Variants in PLEKHM3 observed in about 807,000 individuals in gnomAD.
PLEKHM3 encodes pleckstrin homology domain containing M3, also known as pleckstrin homology domain-containing family M member 3.
PLEKHM3 carries 45 observed loss-of-function variants against 81.8 expected under a neutral mutation model. That is an observed-to-expected ratio of 0.55 (90% confidence interval 0.43 to 0.71). PLEKHM3 has a LOEUF of 0.71. Ranked by LOEUF, PLEKHM3 falls within the 30% of genes least tolerant of loss-of-function variation. The probability of loss-of-function intolerance (pLI) is 0.00; values close to 1 mark genes in which losing one functional copy is unlikely to be tolerated. For missense variants in PLEKHM3, 788 were observed against 924.3 expected, an observed-to-expected ratio of 0.85 and a Z score of 1.91; for synonymous variants, 352 against 356.4, an observed-to-expected ratio of 0.99 and a Z score of 0.14.
At chr2:208,020,358 C>G (rs539830530) in intron 1 of PLEKHM3, among the ~76,000 whole-genome samples, 24 of 152,216 alleles carry the variant, frequency 1.6e-4, no homozygotes, top group Non-Finnish European at 3.1e-4. Flanking sequence ...TTAATGAAAA[C>G]AGCATGCCTG....
rs1292748257 is a variant in PLEKHM3, at chr2:207,865,829, T to A, written c.1951-4567A>T. ...ATATATATATATATATATATATATATATATATATACTTTCTGTCTTTATAG... is the reference window on the plus strand; with the variant it reads ...ATATATATATATATATATATATATAAATATATATACTTTCTGTCTTTATAG... On this transcript the variant is annotated intron_variant, in intron 6 of 7. Transcript: ENST00000427836. 8.9e-5 allele frequency among the ~76,000 whole-genome samples: 10 copies of A among 111,780 alleles called. 1 individual carries two copies. The East Asian group carries it at 1.6e-3, about 18-fold the overall frequency. The allele number at this position is 111,780 out of a possible 152,430, so 73.3% of individuals were successfully genotyped here.
At chr2:207,832,838 GC>G (rs1559199394) in intron 7 of PLEKHM3, among the ~76,000 whole-genome samples, 2 of 151,472 alleles carry the variant, frequency 1.3e-5, no homozygotes, top group African/African-American at 4.9e-5. Flanking sequence ...TGGGCTGGGT[GC>G]GGTGGCTCAT....
At chr2:207,833,163 A>G (rs1479328254) in intron 7 of PLEKHM3, among the ~76,000 whole-genome samples, 1 of 151,072 alleles carries the variant, frequency 6.6e-6, no homozygotes, top group African/African-American at 2.4e-5. Context: ...GTACTCACTG[A>G]GTTTCTTGAC....
intron 5 of PLEKHM3, among the ~76,000 whole-genome samples, chr2:207,918,521 C>CAACA (rs537716018): frequency 0.021 from 3,167 of 151,580 alleles, 96 homozygotes; most frequent in African/African-American, 0.067. Flanking sequence ...GACTCTGTCT[C>CAACA]AACAAACAAA....
At chr2:207,878,900 G>A (rs1220756129) in intron 6 of PLEKHM3, among the ~76,000 whole-genome samples, 1 of 151,894 alleles carries the variant, frequency 6.6e-6, no homozygotes, top group East Asian at 1.9e-4. Context: ...TGGAGGATGA[G>A]GTTTAACTCC....
chr2:207,839,770 G>GA (rs1234984471), intron 7 of PLEKHM3, among the ~76,000 whole-genome samples: 4 of 152,084 alleles, frequency 2.6e-5, no homozygotes, highest in African/African-American at 7.2e-5. Context: ...TACAAAAACA[G>GA]AAAAAAATTA....
chr2:207,919,869 C>CCCCATCA (rs1351052094), intron 5 of PLEKHM3, among the ~76,000 whole-genome samples: 1 of 152,064 alleles, frequency 6.6e-6, no homozygotes, highest in African/African-American at 2.4e-5. Context: ...AATCAAGTGA[C>CCCCATCA]ATTGATGGGG....
intron 3 of PLEKHM3, among the ~76,000 whole-genome samples, chr2:207,950,042 A>G (rs951072600): frequency 6.6e-6 from 1 of 152,224 alleles, no homozygotes; most frequent in African/African-American, 2.4e-5. Flanking sequence ...ACTGAGTTAA[A>G]CATCCTCGCA....
At chr2:207,970,354 A>G (rs13423906) in intron 3 of PLEKHM3, among the ~76,000 whole-genome samples, 8,026 of 148,938 alleles carry the variant, frequency 0.054, 685 homozygotes, top group African/African-American at 0.18. Flanking sequence ...TCCTAACAAC[A>G]TACTTCTTTA....
intron 7 of PLEKHM3, among the ~76,000 whole-genome samples, chr2:207,841,129 AT>A (rs1055712837): frequency 5.3e-5 from 8 of 151,920 alleles, no homozygotes; most frequent in South Asian, 2.1e-4. Context: ...ATTTAAAAGC[AT>A]TTTGCTTCCA....
intron 6 of PLEKHM3, among the ~76,000 whole-genome samples, chr2:207,863,295 C>T (rs946910773): frequency 6.6e-6 from 1 of 152,218 alleles, no homozygotes; most frequent in African/African-American, 2.4e-5. Context: ...TTGCCCCTCC[C>T]CATCATGAAC....
Position 207,875,716 on chromosome 2 carries a change from T to C in PLEKHM3, c.1951-14454A>G, listed in dbSNP as rs113193820. On this transcript the variant is annotated intron_variant, in intron 6 of 7. Coordinates refer to ENST00000427836, the MANE Select transcript of PLEKHM3 (RefSeq NM_001080475.3). ...GGTAGTGTGGGTAGTGTGCACCTTG[T>C]AGTCTCAGCTACTTAGGAGGCTGAA... Among the ~76,000 whole-genome samples the C allele has an allele frequency of 7.3e-3, 1,107 of 152,230 alleles. 12 individuals carry two copies. The highest frequency in any genetic ancestry group is 0.025 in the African/African-American group (1,042 of 41,516).
chr2:207,957,425 G>A (rs372639134), intron 3 of PLEKHM3, among the ~76,000 whole-genome samples: 2 of 152,202 alleles, frequency 1.3e-5, no homozygotes, highest in South Asian at 4.1e-4. Context: ...GTGGCTGGGC[G>A]CGGTGGCTCA....
At position 207,923,905 on chromosome 2, in the gene PLEKHM3, A is replaced by ATATATATATT. The variant is rs1396762429; in HGVS notation, c.1886+7020_1886+7021insAATATATATA. Among the ~76,000 whole-genome samples, 221 of 28,304 alleles carry ATATATATATT rather than the reference A, an allele frequency of 7.8e-3. 6 individuals carry two copies. The highest frequency in any genetic ancestry group is 0.011 in the Non-Finnish European group (178 of 15,512). The allele number at this position is 28,304 out of a possible 152,430, so 18.6% of individuals were successfully genotyped here. A position where few individuals can be genotyped will look rare whatever the true frequency, so the allele number is the denominator to read the frequency against. Reference sequence around the variant, plus strand: ...CATATATATATATATATATATATATATTTTTTTTTTTTTTTTTTTCTGAGG... The same window carrying ATATATATATT: ...CATATATATATATATATATATATATATATATATATTTTTTTTTTTTTTTTTTTTTCTGAGG... On this transcript the variant is annotated intron_variant, in intron 5 of 7. Coordinates refer to ENST00000427836, the MANE Select transcript of PLEKHM3 (RefSeq NM_001080475.3).
intron 7 of PLEKHM3, among the ~76,000 whole-genome samples, chr2:207,829,404 G>C (rs2092272006): frequency 1.3e-5 from 2 of 152,120 alleles, no homozygotes; most frequent in African/African-American, 2.4e-5. Context: ...AGCCTCCCGA[G>C]TAGTTGGGAC....
chr2:207,831,808 C>T (rs1406426616), intron 7 of PLEKHM3, among the ~76,000 whole-genome samples: 1 of 152,202 alleles, frequency 6.6e-6, no homozygotes, highest in Non-Finnish European at 1.5e-5. Context: ...CCAGCTCCTT[C>T]CTAGTGGCAA....
intron 2 of PLEKHM3, among the ~76,000 whole-genome samples, chr2:208,000,294 C>T (rs1300531391): frequency 6.6e-6 from 1 of 152,178 alleles, no homozygotes; most frequent in Non-Finnish European, 1.5e-5. Flanking sequence ...TTTGTTTACA[C>T]CATAATCCTG....
In PLEKHM3 at chr2:207,963,759, T is replaced by C. The variant is rs148969100; in HGVS notation, c.1546+12892A>G. On this transcript the variant is annotated intron_variant, in intron 3 of 7. Coordinates refer to ENST00000427836, the MANE Select transcript of PLEKHM3 (RefSeq NM_001080475.3). ...CCAGGTAGACCCTGTTAGAACATCA[T>C]TGACATTTCCAGAATGTAAAGAAAA... Among the ~76,000 whole-genome samples, 131 of 152,342 alleles carry C rather than the reference T, an allele frequency of 8.6e-4. 2 individuals carry two copies. The Middle Eastern group carries it at 0.014, about 16-fold the overall frequency.
chr2:208,008,232 T>C (rs1172710137), intron 1 of PLEKHM3, among the ~76,000 whole-genome samples: 1 of 151,798 alleles, frequency 6.6e-6, no homozygotes, highest in Non-Finnish European at 1.5e-5. Flanking sequence ...AGTGAGACCC[T>C]GTCTCAAAAT....
Sources: allele counts gnomAD v4.1 joint callset (sites outside exome capture counted in the v4.1 genomes callset), GRCh38; gene constraint gnomAD v4.1.1; transcripts MANE v1.5; gene names NCBI Gene and HGNC (gene_info 2026-07-23, HGNC 2026-07-21).